Variants in MEIOSIN observed in about 807,000 individuals in gnomAD.
MEIOSIN encodes the protein meiosis initiator protein.
In MEIOSIN, 18 loss-of-function variants were observed where a neutral mutation model predicts 23.4. The ratio of observed to expected loss-of-function variants is 0.77; its 90% CI spans 0.53 to 1.14. The LOEUF is 1.14. MEIOSIN is among the 50% of genes most tolerant of loss of function. The probability of loss-of-function intolerance (pLI) is 0.00; values close to 1 mark genes in which losing one functional copy is unlikely to be tolerated. For synonymous variants in MEIOSIN, 187 were observed against 100.6 expected, an observed-to-expected ratio of 1.86 and a Z score of -5.14; for missense variants, 428 against 242.9, an observed-to-expected ratio of 1.76 and a Z score of -5.07.
intron 4 of MEIOSIN, among the ~76,000 whole-genome samples, chr19:45,746,031 C>T (rs1301857521): frequency 2.0e-5 from 3 of 152,144 alleles, no homozygotes; most frequent in Non-Finnish European, 4.4e-5. Context: ...TGTAGTGGCT[C>T]GACCTCAGCT....
chr19:45,747,851 G>A (rs1968622177), intron 4 of MEIOSIN, among the ~76,000 whole-genome samples: 1 of 152,190 alleles, frequency 6.6e-6, no homozygotes, highest in East Asian at 1.9e-4. Context: ...TGTAATACCA[G>A]CACTTTGGGA....
intron 9 of MEIOSIN, among the ~76,000 whole-genome samples, chr19:45,758,379 T>C (rs1161854221): frequency 6.6e-6 from 1 of 152,140 alleles, no homozygotes; most frequent in South Asian, 2.1e-4. Flanking sequence ...TTTCTTTTTT[T>C]TTGGCCATCC....
chr19:45,742,032 C>T (rs967932772), intron 3 of MEIOSIN, among the ~76,000 whole-genome samples: 2 of 151,896 alleles, frequency 1.3e-5, no homozygotes, highest in African/African-American at 4.8e-5. Context: ...CCTGCCACCA[C>T]ACCTGGCTAA....
chr19:45,739,740 A>G lies in MEIOSIN; in HGVS notation c.176+10A>G. ...TCAAAGGAAAACTGAGGTACTGTTA[A>G]CAGAAAAGGGGGGATTGGATGTTGG... is the stretch of plus-strand genomic sequence containing the variant. On this transcript the variant is annotated intron_variant, in intron 3 of 14. Coordinates refer to ENST00000457052, the MANE Select transcript of MEIOSIN (RefSeq NM_001310124.2). The G allele has an allele frequency of 1.4e-6, 1 of 703,594 alleles. No homozygotes were observed. Among genetic ancestry groups the G allele is most frequent in the Non-Finnish European group, 2.6e-6 (1 of 385,100 alleles). 43.6% of individuals were successfully genotyped at this position (703,594 alleles called of 1,614,324 possible).
Position 45,754,578 on chromosome 19 carries a change from G to T in MEIOSIN, c.656G>T (p.Gly219Val), listed in dbSNP as rs1234791698. The change falls in exon 7 of 15, where the codon GGG becomes GTG. Residue 219 changes from glycine (G) to valine (V), a missense_variant. Gly to Val is a moderately radical substitution (Grantham distance 109). Coordinates refer to ENST00000457052, the MANE Select transcript of MEIOSIN (RefSeq NM_001310124.2). ...PSPDQKGSGT[G>V]GTTTPPRCPD... is the part of the protein sequence containing the mutation. ...CCAGACCAGAAAGGAAGTGGCACAG[G>T]GGGGACCACTACCCCTCCAAGGTGC... The T allele has an allele frequency of 5.7e-6, 4 of 703,048 alleles. No individual in the cohort carries two copies. The highest frequency in any genetic ancestry group is 1.5e-5 in the South Asian group (1 of 67,606). The allele number at this position is 703,048 out of a possible 1,614,324, so 43.6% of individuals were successfully genotyped here.
chr19:45,735,487 C>A, intron 2 of MEIOSIN, 40 bp downstream of exon 2: 1 of 678,400 alleles, frequency 1.5e-6, no homozygotes, highest in Non-Finnish European at 2.7e-6. Context: ...CCCAGCCACT[C>A]TCATTGAATA....
chr19:45,739,758 G>A (rs1416396875), intron 3 of MEIOSIN, 28 bp downstream of exon 3: 1 of 703,398 alleles, frequency 1.4e-6, no homozygotes, highest in East Asian at 2.7e-5. Flanking sequence ...GGGGGGATTG[G>A]ATGTTGGCCA....
At position 45,764,328 on chromosome 19, in the gene MEIOSIN, T is replaced by C. The variant is rs1969016234; in HGVS notation, c.*210T>C. 1.0e-5 allele frequency: 4 copies of C among 392,742 alleles called. No homozygotes were observed. The East Asian group carries it at 1.4e-4, about 14-fold the overall frequency. The allele number at this position is 392,742 out of a possible 1,614,324, so 24.3% of individuals were successfully genotyped here. A position where few individuals can be genotyped will look rare whatever the true frequency, so the allele number is the denominator to read the frequency against. On this transcript the variant is annotated 3_prime_UTR_variant, in exon 15 of 15. Transcript: ENST00000457052. Reference sequence around the variant, plus strand: ...GAGTCACCCACAGCTGCCTTGATTCTCCCCCAGGCTTAGGAAGGAAACCCA... The same window carrying C: ...GAGTCACCCACAGCTGCCTTGATTCCCCCCCAGGCTTAGGAAGGAAACCCA...
chr19:45,763,233 G>C (rs1042258453), intron 13 of MEIOSIN, 105 bp from the exon 14 acceptor site: 24 of 397,162 alleles, frequency 6.0e-5, no homozygotes, highest in Middle Eastern at 6.2e-4. Flanking sequence ...AGCTCCAGAG[G>C]GTGGTCTTGG....
rs1443125833 is a variant in MEIOSIN at position 45,753,793 on chromosome 19, A to G, written c.556+5A>G. 2.9e-6 allele frequency: 2 copies of G among 700,824 alleles called. No individual in the cohort carries two copies. The highest frequency in any genetic ancestry group is 5.2e-6 in the Non-Finnish European group (2 of 383,982). 43.4% of individuals were successfully genotyped at this position (700,824 alleles called of 1,614,324 possible). On this transcript the variant is annotated splice_donor_5th_base_variant and intron_variant, in intron 6 of 14. Coordinates refer to ENST00000457052, the MANE Select transcript of MEIOSIN (RefSeq NM_001310124.2). Reference sequence around the variant, plus strand: ...AGAAGCTGACCCAGGCATCAGGTACAAGCTGTCACTGGAGGCAGAACTAGA... The same window carrying G: ...AGAAGCTGACCCAGGCATCAGGTACGAGCTGTCACTGGAGGCAGAACTAGA...
chr19:45,759,127 C>A (rs1968893138), intron 10 of MEIOSIN, 94 bp downstream of exon 10: 2 of 674,654 alleles, frequency 3.0e-6, no homozygotes, highest in East Asian at 2.7e-5. Context: ...CGGGGTGAAT[C>A]CTGCCCTGGC....
intron 3 of MEIOSIN, among the ~76,000 whole-genome samples, chr19:45,742,445 A>G (rs1279720612): frequency 6.6e-6 from 1 of 152,044 alleles, no homozygotes. Flanking sequence ...GTGCTATTAC[A>G]TATGAGCTTG....
At chr19:45,743,261 G>A (rs1346608841) in intron 3 of MEIOSIN, among the ~76,000 whole-genome samples, 4 of 152,226 alleles carry the variant, frequency 2.6e-5, no homozygotes, top group African/African-American at 7.2e-5. Context: ...CCTCTGAGAC[G>A]GTCAAATAAC....
At chr19:45,762,647 G>A (rs1412949807) in intron 13 of MEIOSIN, among the ~76,000 whole-genome samples, 1 of 152,102 alleles carries the variant, frequency 6.6e-6, no homozygotes, top group African/African-American at 2.4e-5. Context: ...CACCATGTTG[G>A]CCAGGCTGGT....
Position 45,759,358 on chromosome 19 carries a change from G to A in MEIOSIN, c.1169-56G>A, listed in dbSNP as rs1968896636. The A allele has an allele frequency of 8.6e-6, 6 of 701,004 alleles. No individual in the cohort carries two copies. The Admixed American group carries it at 1.2e-4, about 14-fold the overall frequency. 43.4% of individuals were successfully genotyped at this position (701,004 alleles called of 1,614,324 possible). ...TAGCAGGGACGGTGTGGCTGAAGCT[G>A]GGCGGTGTGGGAGAAGCATTTCCAC... is the stretch of plus-strand genomic sequence containing the variant. On this transcript the variant is annotated intron_variant, in intron 10 of 14. Coordinates refer to ENST00000457052, the MANE Select transcript of MEIOSIN (RefSeq NM_001310124.2).
At position 45,754,867 on chromosome 19, in the gene MEIOSIN, C is replaced by G. The variant is rs1968789967; in HGVS notation, c.802+143C>G. On this transcript the variant is annotated intron_variant, in intron 7 of 14. Coordinates refer to ENST00000457052, the MANE Select transcript of MEIOSIN (RefSeq NM_001310124.2). ...CGCCTCTTACTTCTCAAGCTTGTGG[C>G]CTTGCTCTGGTGGTCTTCATCTCAG... 2.4e-5 allele frequency: 15 copies of G among 621,920 alleles called. No homozygotes were observed. In the South Asian group the frequency reaches 2.8e-4, roughly 12 times the overall value. The allele number at this position is 621,920 out of a possible 1,614,324, so 38.5% of individuals were successfully genotyped here. A position where few individuals can be genotyped will look rare whatever the true frequency, so the allele number is the denominator to read the frequency against.
At chr19:45,740,692 G>A (rs1392746088) in intron 3 of MEIOSIN, among the ~76,000 whole-genome samples, 1 of 151,634 alleles carries the variant, frequency 6.6e-6, no homozygotes, top group Non-Finnish European at 1.5e-5. Flanking sequence ...GGAGGTTGCA[G>A]TGAGCCGAGA....
intron 1 of MEIOSIN, among the ~76,000 whole-genome samples, chr19:45,734,530 G>T (rs751038912): frequency 7.3e-5 from 11 of 151,486 alleles, no homozygotes; most frequent in Admixed American, 7.2e-4. Flanking sequence ...TTGAGACAAG[G>T]TCTCACTTTG....
At position 45,761,768 on chromosome 19, in the gene MEIOSIN, G is replaced by A. The variant is rs1045223764; in HGVS notation, c.1335G>A (p.Leu445=). 1.4e-5 allele frequency: 10 copies of A among 701,500 alleles called. No homozygotes were observed. Among genetic ancestry groups the A allele is most frequent in the East Asian group, 5.4e-5 (2 of 37,160 alleles). 43.5% of individuals were successfully genotyped at this position (701,500 alleles called of 1,614,324 possible). A position where few individuals can be genotyped will look rare whatever the true frequency, so the allele number is the denominator to read the frequency against. The change falls in exon 12 of 15, where the codon CTG becomes CTA. Residue 445 remains leucine, a synonymous_variant. Transcript: ENST00000457052. The stretch of plus-strand genomic sequence containing the variant: ...CGCTGGACCACTGCTACCTCTCGCT[G>A]AGCGGGAACAGCAAGGCGCCATCCA... ...SVSLDHCYLS[L]SGNSKAPSSS... is the part of the protein sequence containing the mutation.
Sources: gnomAD v4.1 joint callset for allele counts (sites outside exome capture counted in the v4.1 genomes callset) on GRCh38, gnomAD v4.1.1 for gene constraint, MANE v1.5 for transcripts, NCBI Gene and HGNC (gene_info 2026-07-23, HGNC 2026-07-21) for gene names.